Variants in ZFPM1 observed in about 807,000 individuals in gnomAD.
The protein encoded by ZFPM1 is zinc finger protein, FOG family member 1.
Under a neutral mutation model 46.3 loss-of-function variants are expected in ZFPM1, and 28 were observed. The ratio of observed to expected loss-of-function variants is 0.60; its 90% confidence interval spans 0.45 to 0.83. The LOEUF (loss-of-function observed/expected upper bound fraction) is 0.83. ZFPM1 is among the 40% of genes least tolerant of loss of function. ZFPM1 has a pLI of 0.00. For synonymous variants in ZFPM1, 957 were observed against 675.9 expected, an observed-to-expected ratio of 1.42 and a Z score of -6.45; for missense variants, 1,878 against 1,432.4, an observed-to-expected ratio of 1.31 and a Z score of -5.02.
intron 1 of ZFPM1, among the ~76,000 whole-genome samples, chr16:88,473,280 A>T (rs979959028): frequency 1.3e-5 from 2 of 152,188 alleles, no homozygotes; most frequent in African/African-American, 4.8e-5. Context: ...GATGGCAGGA[A>T]CCACCCACCC....
intron 1 of ZFPM1, among the ~76,000 whole-genome samples, chr16:88,453,918 G>A (rs1907412679): frequency 6.6e-6 from 1 of 152,054 alleles, no homozygotes; most frequent in East Asian, 1.9e-4. Context: ...CGGAGGCCGG[G>A]AGGAGGGTGT....
At chr16:88,468,177 CGCACCCGCGAGCCCACCGCCCCTCAA>C (rs1407004965) in intron 1 of ZFPM1, among the ~76,000 whole-genome samples, 48 of 135,012 alleles carry the variant, frequency 3.6e-4, no homozygotes, top group South Asian at 2.0e-3. Flanking sequence ...CAGGCCCTGA[CGCACCCGCGAGCCCACCGCCCCTCAA>C]GCACCCGCGA....
chr16:88,461,171 A>AT (rs1219974611), intron 1 of ZFPM1, among the ~76,000 whole-genome samples: 14 of 84,880 alleles, frequency 1.6e-4, no homozygotes, highest in Admixed American at 8.2e-4. Flanking sequence ...AGACCTGGTG[A>AT]GGACCGAGGG....
At position 88,533,171 on chromosome 16, in the gene ZFPM1, C is replaced by A; in HGVS notation, c.1213C>A (p.Gln405Lys). The A allele has an allele frequency of 1.3e-6, 2 of 1,512,902 alleles. No individual in the cohort carries two copies. The highest frequency in any genetic ancestry group is 1.8e-6 in the Non-Finnish European group (2 of 1,138,900). The allele number at this position is 1,512,902 out of a possible 1,614,324, so 93.7% of individuals were successfully genotyped here. Residue 405 changes from glutamine to lysine, a missense_variant, in exon 10 of 10, where the codon CAG becomes AAG. Coordinates refer to ENST00000319555, the MANE Select transcript of ZFPM1 (RefSeq NM_153813.3). ...AGACAGTCTGGGCAGCTTCCAGCAG[C>A]AGCACACGGCCCTGCAAGGCCCCCT... is the stretch of plus-strand genomic sequence containing the variant. Reference protein sequence around the residue: ...PPDSLGSFQQQHTALQGPLAS... With the variant: ...PPDSLGSFQQKHTALQGPLAS...
intron 1 of ZFPM1, among the ~76,000 whole-genome samples, chr16:88,466,998 G>T (rs995738065): frequency 2.6e-5 from 4 of 152,082 alleles, no homozygotes; most frequent in Non-Finnish European, 4.4e-5. Context: ...GAGCCGGGGC[G>T]AGGGTCCCTG....
intron 4 of ZFPM1, chr16:88,516,696 C>A: frequency 2.5e-6 from 1 of 398,114 alleles, no homozygotes; most frequent in South Asian, 1.3e-4. Flanking sequence ...CCCTGTCGCT[C>A]TTGGCTGATA....
intron 1 of ZFPM1, among the ~76,000 whole-genome samples, chr16:88,479,187 G>A (rs1307268743): frequency 2.0e-5 from 3 of 152,186 alleles, no homozygotes; most frequent in Non-Finnish European, 4.4e-5. Flanking sequence ...TCCCAACCGC[G>A]GGGCCGGGCT....
At chr16:88,505,884 G>A (rs1910628461) in intron 3 of ZFPM1, among the ~76,000 whole-genome samples, 1 of 152,104 alleles carries the variant, frequency 6.6e-6, no homozygotes, top group Admixed American at 6.5e-5. Context: ...CCCCCCATGG[G>A]GCTTTCCAAC....
At chr16:88,516,197 C>G in intron 4 of ZFPM1, 1 of 398,698 alleles carries the variant, frequency 2.5e-6, no homozygotes, top group Non-Finnish European at 4.4e-6. Flanking sequence ...GAACCCACAT[C>G]TGCCTATCCC....
At chr16:88,467,511 G>A (rs1028452439) in intron 1 of ZFPM1, among the ~76,000 whole-genome samples, 1 of 152,226 alleles carries the variant, frequency 6.6e-6, no homozygotes, top group African/African-American at 2.4e-5. Context: ...CCTATAAAAT[G>A]GGGTGCCAGT....
intron 6 of ZFPM1, among the ~76,000 whole-genome samples, chr16:88,528,720 G>C (rs1001986865): frequency 1.4e-5 from 2 of 144,092 alleles, no homozygotes; most frequent in Non-Finnish European, 3.1e-5. Context: ...TGACAACCAA[G>C]ACATCTGTTG....
chr16:88,527,260 GGGA>G (rs1912412786), intron 5 of ZFPM1, among the ~76,000 whole-genome samples: 1 of 152,230 alleles, frequency 6.6e-6, no homozygotes, highest in African/African-American at 2.4e-5. Flanking sequence ...GGCAGCAGCA[GGGA>G]CCCCGACACC....
rs367917485 is a variant in ZFPM1, at chr16:88,491,055, GGTCAGGCGCTGGTGCCTTCGCGGGTCCCA to G, written c.268+1923_268+1951del. On this transcript the variant is annotated intron_variant, in intron 3 of 9. Coordinates refer to ENST00000319555, the MANE Select transcript of ZFPM1 (RefSeq NM_153813.3). The stretch of plus-strand genomic sequence containing the variant: ...AGGCGCTGGTGCCTTCGGGGGTCTC[GGTCAGGCGCTGGTGCCTTCGCGGGTCCCA>G]GTCAGGCGCTGGTGCCTTCGGGGGT... Among the ~76,000 whole-genome samples, 101 of 146,728 alleles carry G rather than the reference GGTCAGGCGCTGGTGCCTTCGCGGGTCCCA, an allele frequency of 6.9e-4. 1 individual carries two copies. The highest frequency in any genetic ancestry group is 2.7e-3 in the South Asian group (13 of 4,734).
intron 1 of ZFPM1, among the ~76,000 whole-genome samples, chr16:88,481,600 G>A (rs895103206): frequency 1.3e-5 from 2 of 152,090 alleles, no homozygotes; most frequent in African/African-American, 2.4e-5. Flanking sequence ...TCCTGCTTAC[G>A]CTACTCCACT....
chr16:88,461,470 C>T (rs977701228), intron 1 of ZFPM1, among the ~76,000 whole-genome samples: 1 of 152,196 alleles, frequency 6.6e-6, no homozygotes, highest in African/African-American at 2.4e-5. Context: ...CCTGGCCTGG[C>T]CTTGCTGTGA....
intron 1 of ZFPM1, among the ~76,000 whole-genome samples, chr16:88,479,648 C>T (rs1000573464): frequency 2.9e-4 from 44 of 152,156 alleles, no homozygotes; most frequent in African/African-American, 6.5e-4. Flanking sequence ...CTTATCTGGC[C>T]GCTGTGTGCC....
At chr16:88,461,680 G>T (rs1176585256) in intron 1 of ZFPM1, among the ~76,000 whole-genome samples, 1 of 152,172 alleles carries the variant, frequency 6.6e-6, no homozygotes, top group Non-Finnish European at 1.5e-5. Context: ...AGGGTTGGAC[G>T]TTAAGCAGAG....
chr16:88,505,226 A>C (rs1910584539), intron 3 of ZFPM1, among the ~76,000 whole-genome samples: 1 of 152,176 alleles, frequency 6.6e-6, no homozygotes, highest in Non-Finnish European at 1.5e-5. Context: ...GGCTTGGCCA[A>C]GCCAAGCCAT....
chr16:88,455,549 C>A (rs1169744401), intron 1 of ZFPM1, among the ~76,000 whole-genome samples: 1 of 132,486 alleles, frequency 7.5e-6, no homozygotes, highest in Admixed American at 7.7e-5. Context: ...AGCGCCTGTG[C>A]CTGCCCGCTG....
Sources: allele counts gnomAD v4.1 joint callset (sites outside exome capture counted in the v4.1 genomes callset), GRCh38; gene constraint gnomAD v4.1.1; transcripts MANE v1.5; gene names NCBI Gene and HGNC (gene_info 2026-07-23, HGNC 2026-07-21).